UBE2J2: variants seen among roughly 807,000 people sequenced by gnomAD.
UBE2J2 encodes the protein ubiquitin-conjugating enzyme E2 J2.
Under a neutral mutation model 28.6 loss-of-function variants are expected in UBE2J2, and 5 were observed. The ratio of observed to expected loss-of-function variants is 0.17; its 90% confidence interval spans 0.09 to 0.37. The LOEUF (loss-of-function observed/expected upper bound fraction) is 0.37. Ranked by LOEUF, UBE2J2 falls within the 10% of genes least tolerant of loss-of-function variation. The pLI, the probability that UBE2J2 is intolerant of heterozygous loss-of-function variation, is 1.00. For missense variants in UBE2J2, 226 were observed against 338.9 expected, an observed-to-expected ratio of 0.67 and a Z score of 2.62; for synonymous variants, 138 against 139.7, an observed-to-expected ratio of 0.99 and a Z score of 0.09.
chr1:1,257,450 G>T (rs1639271141), intron 3 of UBE2J2, 140 bp from the exon 4 acceptor site: 7 of 518,180 alleles, frequency 1.4e-5, no homozygotes, highest in Admixed American at 4.0e-5. Flanking sequence ...TCCGTCCCCA[G>T]CCGGCTCCCA....
At chr1:1,270,821 AG>A (rs1357380400) in intron 1 of UBE2J2, among the ~76,000 whole-genome samples, 1 of 151,910 alleles carries the variant, frequency 6.6e-6, no homozygotes, top group Non-Finnish European at 1.5e-5. Context: ...AGCCCCAGCC[AG>A]CCCTCCTCAT....
chr1:1,255,154 T>C lies in UBE2J2; in HGVS notation c.*49A>G, dbSNP rs1639094570. 6.6e-7 allele frequency: 1 copy of C among 1,524,712 alleles called. No individual in the cohort carries two copies. The highest frequency in any genetic ancestry group is 8.8e-7 in the Non-Finnish European group (1 of 1,131,204). The allele number at this position is 1,524,712 out of a possible 1,614,324, so 94.4% of individuals were successfully genotyped here. On this transcript the variant is annotated 3_prime_UTR_variant, in exon 7 of 7. Transcript: ENST00000349431. ...TGTGTCCAGCCTGCCGAGGTCACGC[T>C]CTGGTGCGCGGTGCCCTCAGTGGCG...
At chr1:1,262,249 G>A in intron 3 of UBE2J2, 1 of 447,676 alleles carries the variant, frequency 2.2e-6, no homozygotes, top group Non-Finnish European at 4.5e-6. Context: ...CTGGACACCT[G>A]CTCCCGGGCC....
chr1:1,262,392 T>C (rs1188027210), intron 3 of UBE2J2: 1 of 453,070 alleles, frequency 2.2e-6, no homozygotes, highest in East Asian at 7.0e-5. Context: ...CTGGGATTCC[T>C]GGGCCAAAGG....
intron 1 of UBE2J2, among the ~76,000 whole-genome samples, chr1:1,270,162 CG>C (rs1481508465): frequency 2.6e-5 from 4 of 152,154 alleles, no homozygotes; most frequent in African/African-American, 9.7e-5. Context: ...CCTGGCCACA[CG>C]GAACTGTGAG....
chr1:1,270,179 T>C (rs1212548888), intron 1 of UBE2J2, among the ~76,000 whole-genome samples: 2 of 152,158 alleles, frequency 1.3e-5, no homozygotes, highest in Non-Finnish European at 2.9e-5. Context: ...GTGAGTCCAT[T>C]AAACCCCTTT....
At chr1:1,265,693 T>C (rs1358170571) in intron 2 of UBE2J2, among the ~76,000 whole-genome samples, 1 of 150,170 alleles carries the variant, frequency 6.7e-6, no homozygotes, top group African/African-American at 2.5e-5. Flanking sequence ...AGTGGTGCGA[T>C]CTCAGCTCAC....
At chr1:1,260,305 G>A (rs909388180) in intron 3 of UBE2J2, among the ~76,000 whole-genome samples, 2 of 152,246 alleles carry the variant, frequency 1.3e-5, no homozygotes, top group Non-Finnish European at 2.9e-5. Flanking sequence ...CTTAAAAGAG[G>A]AAGCGGGAAC....
chr1:1,258,232 G>A (rs1394852719), intron 3 of UBE2J2, among the ~76,000 whole-genome samples: 3 of 151,792 alleles, frequency 2.0e-5, no homozygotes, highest in African/African-American at 4.8e-5. Context: ...TAGTAGAGAC[G>A]GGGTTTCACC....
At chr1:1,273,244 G>A (rs1360249360) in intron 1 of UBE2J2, 1 of 152,178 alleles carries the variant, frequency 6.6e-6, no homozygotes, top group African/African-American at 2.4e-5. Flanking sequence ...CTGGCCCTAA[G>A]CACAGTCCCG....
At chr1:1,257,339 T>G in intron 3 of UBE2J2, 29 bp from the exon 4 acceptor site, 1 of 1,458,644 alleles carries the variant, frequency 6.9e-7, no homozygotes, top group Non-Finnish European at 9.5e-7. Flanking sequence ...GAAAGGGCCT[T>G]GTCGTCCGCC....
At chr1:1,257,393 AC>A (rs1194870542) in intron 3 of UBE2J2, 83 bp from the exon 4 acceptor site, 55,471 of 210,096 alleles carry the variant, frequency 0.26, 145 homozygotes, top group Non-Finnish European at 0.28. Flanking sequence ...CCCCCACGCC[AC>A]CCCCCCCCCC....
chr1:1,258,692 C>A (rs1639353937), intron 3 of UBE2J2, among the ~76,000 whole-genome samples: 1 of 152,230 alleles, frequency 6.6e-6, no homozygotes, highest in Non-Finnish European at 1.5e-5. Flanking sequence ...CCACTTCCAC[C>A]AAATGGCAAC....
chr1:1,257,197 A>G lies in UBE2J2; in HGVS notation c.275+11T>C, dbSNP rs1200974693. On this transcript the variant is annotated intron_variant, in intron 4 of 6. Transcript: ENST00000349431. ...GCCAGAAAGCCTCCGCGGCCCCTCC[A>G]GGCACCTTACCTGGTGTTGCACTTA... The G allele has an allele frequency of 4.4e-6, 7 of 1,604,518 alleles. No individual in the cohort carries two copies. Among genetic ancestry groups the G allele is most frequent in the Non-Finnish European group, 6.0e-6 (7 of 1,173,692 alleles).
chr1:1,267,014 G>A (rs917667800), intron 2 of UBE2J2, among the ~76,000 whole-genome samples: 2 of 151,752 alleles, frequency 1.3e-5, no homozygotes, highest in East Asian at 2.0e-4. Context: ...TCGGCTTCCC[G>A]AGTAGCTGGG....
intron 3 of UBE2J2, 137 bp downstream of exon 3, chr1:1,263,209 T>C: frequency 1.2e-6 from 1 of 803,666 alleles, no homozygotes; most frequent in Non-Finnish European, 2.1e-6. Context: ...GAGGAGGAGT[T>C]CCAACTAAGC....
chr1:1,269,342 AAG>A (rs1272318216), intron 1 of UBE2J2, among the ~76,000 whole-genome samples: 2 of 151,096 alleles, frequency 1.3e-5, no homozygotes, highest in Non-Finnish European at 3.0e-5. Flanking sequence ...ATCATCATGC[AAG>A]AGAGGAGGCT....
Position 1,271,416 on chromosome 1 carries a change from G to C in UBE2J2, c.-1+2250C>G, listed in dbSNP as rs568012179. 3 of 152,360 alleles carry C rather than the reference G, an allele frequency of 2.0e-5. No homozygotes were observed. In the South Asian group the frequency reaches 6.2e-4, roughly 32 times the overall value. The allele number at this position is 152,360 out of a possible 1,614,324, so 9.4% of individuals were successfully genotyped here. A position where few individuals can be genotyped will look rare whatever the true frequency, so the allele number is the denominator to read the frequency against. ...AGGTGGGTCTGGGCTTAGCTAAGTG[G>C]CCAGGCCGCAGGTTTAACGAAAGTT... On this transcript the variant is annotated intron_variant, in intron 1 of 6. Transcript: ENST00000349431.
chr1:1,256,235 C>A (rs975564865), intron 5 of UBE2J2, 110 bp from the exon 6 acceptor site: 38 of 757,028 alleles, frequency 5.0e-5, no homozygotes, highest in Admixed American at 9.5e-5. Flanking sequence ...TTGCAGAAAG[C>A]ATTTAATAAG....
Sources: allele counts gnomAD v4.1 joint callset (sites outside exome capture counted in the v4.1 genomes callset), GRCh38; gene constraint gnomAD v4.1.1; transcripts MANE v1.5; gene names NCBI Gene and HGNC (gene_info 2026-07-23, HGNC 2026-07-21).